The following EAPP variants were observed in gnomAD, a reference collection of about 807,000 sequenced individuals.
The protein encoded by EAPP is E2F-associated phosphoprotein.
Under a neutral mutation model 34.3 loss-of-function variants are expected in EAPP, and 38 were observed. The observed-to-expected ratio is 1.11, with a 90% CI of 0.85 to 1.45. The LOEUF (loss-of-function observed/expected upper bound fraction) is 1.45. EAPP is among the 40% of genes most tolerant of loss of function. EAPP has a pLI of 0.00. For missense variants in EAPP, 338 were observed against 343.7 expected (o/e 0.98, Z 0.13); for synonymous variants, 113 against 117.6 (o/e 0.96, Z 0.25).
At chr14:34,529,168 A>T (rs538509942) in intron 4 of EAPP, among the ~76,000 whole-genome samples, 190 bp downstream of exon 4, 69 of 152,134 alleles carry the variant, frequency 4.5e-4, no homozygotes, top group South Asian at 1.9e-3. Flanking sequence ...AAAATTTTAA[A>T]AAAAAGTCTC....
intron 5 of EAPP, among the ~76,000 whole-genome samples, chr14:34,519,979 G>A (rs1269336163): frequency 6.6e-6 from 1 of 150,508 alleles, no homozygotes; most frequent in Non-Finnish European, 1.5e-5. Flanking sequence ...CCACCTCCCT[G>A]GTTCAAGTGA....
At chr14:34,538,029 T>G (rs1228487324) in intron 1 of EAPP, among the ~76,000 whole-genome samples, 2 of 152,158 alleles carry the variant, frequency 1.3e-5, no homozygotes, top group East Asian at 3.8e-4. Flanking sequence ...ATATTTATCT[T>G]TACAGTTACC....
At chr14:34,536,458 A>AT (rs5807779) in intron 1 of EAPP, 183 bp from the exon 2 acceptor site, 4,170 of 128,826 alleles carry the variant, frequency 0.032, 34 homozygotes, top group South Asian at 0.047. Flanking sequence ...ATCTTCTTTA[A>AT]TTTTTTTTTT....
In EAPP at chr14:34,517,805, C is replaced by T. The variant is rs566958424; in HGVS notation, c.582-1219G>A. 2.0e-5 allele frequency among the ~76,000 whole-genome samples: 3 copies of T among 150,866 alleles called. No individual in the cohort carries two copies. The South Asian group carries it at 6.3e-4, about 32-fold the overall frequency. Reference sequence around the variant, plus strand: ...TAATTTTTTTTTTGAGATGGAGTCTCGCTCTGTCACCCAGGCTGGAGTGCA... The same window carrying T: ...TAATTTTTTTTTTGAGATGGAGTCTTGCTCTGTCACCCAGGCTGGAGTGCA... On this transcript the variant is annotated intron_variant, in intron 5 of 5. Transcript: ENST00000250454.
Position 34,516,421 on chromosome 14 carries a change from ATC to A in EAPP, c.745_746del (p.Asp249CysfsTer12). On this transcript the variant is annotated frameshift_variant, in exon 6 of 6. Coordinates refer to ENST00000250454, the MANE Select transcript of EAPP (RefSeq NM_018453.4). LOFTEE classifies it high-confidence loss of function. ...REDAAEKAETDVEEIYHPVMC... is the reference protein window; with the variant it reads ...REDAAEKAETXVEEIYHPVMC... ...TGACTGGGTGATAGATTTCTTCCAC[ATC>A]TGTCTCTGCCTTCTCGGCAGCATCT... 2.5e-6 allele frequency: 4 copies of A among 1,614,160 alleles called. No individual in the cohort carries two copies. Among genetic ancestry groups the A allele is most frequent in the Non-Finnish European group, 2.5e-6 (3 of 1,180,034 alleles).
chr14:34,525,594 CAG>C (rs1168698524), intron 4 of EAPP, among the ~76,000 whole-genome samples: 2 of 152,092 alleles, frequency 1.3e-5, no homozygotes, highest in East Asian at 1.9e-4. Flanking sequence ...AAGAAACTGA[CAG>C]AGTCAAGAAG....
Position 34,530,904 on chromosome 14 carries a change from CAAAAAAAA to C in EAPP, c.353-1437_353-1430del, listed in dbSNP as rs780101001. Among the ~76,000 whole-genome samples the C allele has an allele frequency of 1.4e-4, 8 of 55,190 alleles. No homozygotes were observed. The South Asian group carries it at 7.1e-3, about 49-fold the overall frequency. The allele number at this position is 55,190 out of a possible 152,430, so 36.2% of individuals were successfully genotyped here. ...CAACAAAGCAAGACCCAATCTTTACCAAAAAAAAAAAAAAAAAAAAAAGAAAGAAAGAA... is the reference window on the plus strand; with the variant it reads ...CAACAAAGCAAGACCCAATCTTTACCAAAAAAAAAAAAAAGAAAGAAAGAA... On this transcript the variant is annotated intron_variant, in intron 3 of 5. Transcript: ENST00000250454.
At chr14:34,525,493 A>T (rs555274672) in intron 4 of EAPP, among the ~76,000 whole-genome samples, 1 of 152,244 alleles carries the variant, frequency 6.6e-6, no homozygotes, top group South Asian at 2.1e-4. Flanking sequence ...ATGAGAAAAA[A>T]CAACAGACAA....
intron 2 of EAPP, among the ~76,000 whole-genome samples, 161 bp from the exon 3 acceptor site, chr14:34,533,700 C>T (rs983342176): frequency 1.3e-5 from 2 of 152,180 alleles, no homozygotes; most frequent in African/African-American, 4.8e-5. Flanking sequence ...GATGTCTATG[C>T]CCTATACAGT....
intron 2 of EAPP, among the ~76,000 whole-genome samples, 166 bp from the exon 3 acceptor site, chr14:34,533,705 T>C (rs907609627): frequency 3.9e-5 from 6 of 152,228 alleles, no homozygotes; most frequent in Admixed American, 2.0e-4. Flanking sequence ...CTATGCCCTA[T>C]ACAGTTACAG....
intron 2 of EAPP, among the ~76,000 whole-genome samples, chr14:34,534,496 A>G (rs1419137477): frequency 2.0e-5 from 3 of 152,228 alleles, no homozygotes; most frequent in Admixed American, 6.5e-5. Context: ...ACCAAGTATC[A>G]AAATGAACTA....
At chr14:34,536,414 TTC>T (rs1045904088) in intron 1 of EAPP, 139 bp from the exon 2 acceptor site, 29 of 556,158 alleles carry the variant, frequency 5.2e-5, no homozygotes, top group African/African-American at 4.3e-4. Context: ...CATATAGCTA[TTC>T]TCACTTAATA....
chr14:34,538,672 C>T (rs1337181691), intron 1 of EAPP, among the ~76,000 whole-genome samples: 1 of 152,008 alleles, frequency 6.6e-6, no homozygotes, highest in Non-Finnish European at 1.5e-5. Flanking sequence ...TCGCCTCAGA[C>T]TCCCAAAGTC....
chr14:34,517,803 C>G (rs1174180254), intron 5 of EAPP, among the ~76,000 whole-genome samples: 1 of 150,344 alleles, frequency 6.7e-6, no homozygotes, highest in Non-Finnish European at 1.5e-5. Flanking sequence ...GAGATGGAGT[C>G]TCGCTCTGTC....
chr14:34,524,651 ATATG>A lies in EAPP; in HGVS notation c.581+42_581+45del, dbSNP rs751114532. ...AAAGTCTGTTTCTAATTTAAACAAA[ATATG>A]TATGTGTGTGTGTGTGTGTGTGTGT... is the stretch of plus-strand genomic sequence containing the variant. On this transcript the variant is annotated intron_variant, in intron 5 of 5. Coordinates refer to ENST00000250454, the MANE Select transcript of EAPP (RefSeq NM_018453.4). 2,044 of 999,110 alleles carry A rather than the reference ATATG, an allele frequency of 2.0e-3. 13 individuals are homozygous for A. The highest frequency in any genetic ancestry group is 2.6e-3 in the Non-Finnish European group (1,773 of 678,638). The allele number at this position is 999,110 out of a possible 1,614,324, so 61.9% of individuals were successfully genotyped here.
At chr14:34,533,799 G>A (rs565107314) in intron 2 of EAPP, among the ~76,000 whole-genome samples, 1 of 151,954 alleles carries the variant, frequency 6.6e-6, no homozygotes, top group African/African-American at 2.4e-5. Context: ...ATAAAATAGC[G>A]ATATTTTCAG....
At chr14:34,518,953 T>C (rs1245696810) in intron 5 of EAPP, among the ~76,000 whole-genome samples, 1 of 152,072 alleles carries the variant, frequency 6.6e-6, no homozygotes. Flanking sequence ...GAGAAGTGAG[T>C]CCATTTACAT....
Position 34,524,730 on chromosome 14 carries a change from G to T in EAPP, c.548C>A (p.Ala183Asp). ...PNSDAVLNCP[A>D]CMTTLCLDCQ... ...ATCAAGGCAAAGTGTGGTCATGCAG[G>T]CAGGACAATTCAAGACAGCATCACT... is the stretch of plus-strand genomic sequence containing the variant. The change falls in exon 5 of 6, where the codon GCC becomes GAC. Residue 183 changes from alanine (A) to aspartate (D), a missense_variant. Physicochemically the swap from Ala to Asp is moderately radical, Grantham distance 126. Coordinates refer to ENST00000250454, the MANE Select transcript of EAPP (RefSeq NM_018453.4). The T allele has an allele frequency of 6.2e-7, 1 of 1,612,636 alleles. No individual in the cohort carries two copies. Among genetic ancestry groups the T allele is most frequent in the Non-Finnish European group, 8.5e-7 (1 of 1,179,598 alleles).
At chr14:34,530,302 A>G (rs1275213457) in intron 3 of EAPP, among the ~76,000 whole-genome samples, 1 of 151,866 alleles carries the variant, frequency 6.6e-6, no homozygotes, top group Non-Finnish European at 1.5e-5. Context: ...AGGGGCTGAG[A>G]CAAGAGGATC....
Sources: allele counts gnomAD v4.1 joint callset (sites outside exome capture counted in the v4.1 genomes callset), GRCh38; gene constraint gnomAD v4.1.1; transcripts MANE v1.5; gene names NCBI Gene and HGNC (gene_info 2026-07-23, HGNC 2026-07-21).